TMEM232: variants seen among roughly 807,000 people sequenced by gnomAD.
TMEM232 encodes transmembrane protein 232.
Under a neutral mutation model 78.8 loss-of-function variants are expected in TMEM232, and 80 were observed. The observed-to-expected ratio is 1.01, with a 90% CI of 0.85 to 1.22. The LOEUF (loss-of-function observed/expected upper bound fraction) is 1.22. Among genes scored for constraint, TMEM232 ranks in the 50% most tolerant of loss-of-function variants. The pLI, the probability that TMEM232 is intolerant of heterozygous loss-of-function variation, is 0.00. For missense variants in TMEM232, 881 were observed against 742.2 expected, an observed-to-expected ratio of 1.19 and a Z score of -2.17; for synonymous variants, 297 against 254.3, an observed-to-expected ratio of 1.17 and a Z score of -1.60.
At chr5:110,443,675 C>T (rs1339233673) in intron 12 of TMEM232, among the ~76,000 whole-genome samples, 1 of 152,182 alleles carries the variant, frequency 6.6e-6, no homozygotes, top group East Asian at 1.9e-4. Context: ...AGCATAGCCA[C>T]CACAGCTGGG....
intron 1 of TMEM232, among the ~76,000 whole-genome samples, chr5:110,686,904 CT>C (rs1482233829): frequency 1.3e-5 from 2 of 152,140 alleles, no homozygotes; most frequent in Non-Finnish European, 2.9e-5. Flanking sequence ...TAGGCCTCCC[CT>C]GACTTCAGGT....
chr5:110,598,611 C>A (rs1780483116), intron 10 of TMEM232, among the ~76,000 whole-genome samples: 1 of 151,858 alleles, frequency 6.6e-6, no homozygotes, highest in African/African-American at 2.4e-5. Context: ...AGAACCAACC[C>A]AAATGTCCAA....
chr5:110,696,287 T>C (rs1794770059), intron 1 of TMEM232, among the ~76,000 whole-genome samples: 1 of 152,180 alleles, frequency 6.6e-6, no homozygotes, highest in Non-Finnish European at 1.5e-5. Flanking sequence ...AAATTAGGTA[T>C]TGATGGGACG....
chr5:110,437,779 T>C (rs1201501878), intron 12 of TMEM232, among the ~76,000 whole-genome samples: 1 of 152,084 alleles, frequency 6.6e-6, no homozygotes, highest in Admixed American at 6.6e-5. Context: ...ATAGGTAATT[T>C]GATGAATACG....
chr5:110,672,034 T>C (rs966054512), intron 1 of TMEM232, among the ~76,000 whole-genome samples: 1 of 151,780 alleles, frequency 6.6e-6, no homozygotes, highest in African/African-American at 2.4e-5. Flanking sequence ...ATACAGGCCA[T>C]CCAGAAAGAA....
intron 10 of TMEM232, among the ~76,000 whole-genome samples, chr5:110,594,506 T>C (rs1396367870): frequency 1.3e-5 from 2 of 152,126 alleles, no homozygotes; most frequent in Admixed American, 6.5e-5. Context: ...CCAAGTGGTC[T>C]TGTTCAGCAG....
At chr5:110,542,626 A>G (rs1773286109) in intron 11 of TMEM232, among the ~76,000 whole-genome samples, 2 of 151,984 alleles carry the variant, frequency 1.3e-5, no homozygotes. Context: ...GCTCCCCATA[A>G]AGATTTATGG....
intron 12 of TMEM232, among the ~76,000 whole-genome samples, chr5:110,495,842 T>C (rs1011971470): frequency 6.6e-6 from 1 of 151,668 alleles, no homozygotes; most frequent in Non-Finnish European, 1.5e-5. Flanking sequence ...ATGATAATTC[T>C]ATTATTAAAT....
chr5:110,736,107 T>C (rs1267969847), intron 1 of TMEM232, among the ~76,000 whole-genome samples: 1 of 152,256 alleles, frequency 6.6e-6, no homozygotes, highest in Non-Finnish European at 1.5e-5. Flanking sequence ...GTTGTTTTCA[T>C]AAAATGCATT....
At chr5:110,532,730 C>A (rs901201543) in intron 11 of TMEM232, among the ~76,000 whole-genome samples, 4 of 152,036 alleles carry the variant, frequency 2.6e-5, no homozygotes, top group African/African-American at 9.7e-5. Flanking sequence ...CACCTTAACA[C>A]ACAAGTATAA....
chr5:110,712,187 G>C (rs1473098083), intron 1 of TMEM232, among the ~76,000 whole-genome samples: 1 of 151,400 alleles, frequency 6.6e-6, no homozygotes, highest in Admixed American at 6.6e-5. Context: ...ACATTGGTCT[G>C]GGCAAAAATT....
chr5:110,646,395 G>A (rs1787478625), intron 2 of TMEM232, among the ~76,000 whole-genome samples: 1 of 151,736 alleles, frequency 6.6e-6, no homozygotes, highest in Non-Finnish European at 1.5e-5. Flanking sequence ...CAATGGAGGA[G>A]AATCAAAAAT....
intron 4 of TMEM232, among the ~76,000 whole-genome samples, chr5:110,640,532 G>A (rs560876823): frequency 1.3e-5 from 2 of 152,076 alleles, no homozygotes; most frequent in South Asian, 4.1e-4. Context: ...TTTGATTAAT[G>A]TTTTATAAGT....
chr5:110,481,736 T>G (rs543374931), intron 12 of TMEM232, among the ~76,000 whole-genome samples: 4 of 152,262 alleles, frequency 2.6e-5, no homozygotes, highest in Admixed American at 6.5e-5. Context: ...AGAGTAGACT[T>G]TGAAGCAAAC....
At chr5:110,603,410 G>C (rs1781195098) in intron 10 of TMEM232, among the ~76,000 whole-genome samples, 1 of 152,046 alleles carries the variant, frequency 6.6e-6, no homozygotes, top group Non-Finnish European at 1.5e-5. Flanking sequence ...AGAGTACAGG[G>C]GGTCATGACC....
chr5:110,531,451 A>C (rs988165990), intron 11 of TMEM232, among the ~76,000 whole-genome samples: 8 of 152,134 alleles, frequency 5.3e-5, no homozygotes, highest in Non-Finnish European at 1.5e-5. Context: ...CAGCCCAAGA[A>C]ACATCTCACT....
At chr5:110,446,163 G>A (rs1759625997) in intron 12 of TMEM232, among the ~76,000 whole-genome samples, 1 of 152,082 alleles carries the variant, frequency 6.6e-6, no homozygotes, top group African/African-American at 2.4e-5. Context: ...CTCCTGCCTG[G>A]GATGTGTCAC....
At chr5:110,437,914 C>T (rs910846191) in intron 12 of TMEM232, among the ~76,000 whole-genome samples, 1 of 152,048 alleles carries the variant, frequency 6.6e-6, no homozygotes, top group African/African-American at 2.4e-5. Flanking sequence ...ATCTCAGGTG[C>T]TATTACTCAA....
chr5:110,441,460 G>A (rs990680067), intron 12 of TMEM232, among the ~76,000 whole-genome samples: 11 of 152,114 alleles, frequency 7.2e-5, no homozygotes, highest in African/African-American at 2.7e-4. Flanking sequence ...ACAGTGAAGT[G>A]CGGGGAGACA....
Sources: gnomAD v4.1 joint callset for allele counts (sites outside exome capture counted in the v4.1 genomes callset) on GRCh38, gnomAD v4.1.1 for gene constraint, MANE v1.5 for transcripts, NCBI Gene and HGNC (gene_info 2026-07-23, HGNC 2026-07-21) for gene names.